PCYT2: variants seen among roughly 807,000 people sequenced by gnomAD.
PCYT2 encodes ethanolamine-phosphate cytidylyltransferase.
PCYT2 carries 33 observed loss-of-function variants against 50.0 expected under a neutral mutation model. The ratio of observed to expected loss-of-function variants is 0.66; its 90% CI spans 0.50 to 0.88. The LOEUF is 0.88. PCYT2 is among the 40% of genes least tolerant of loss of function. The pLI is 0.00. For missense variants in PCYT2, 430 were observed against 519.7 expected (o/e 0.83, Z 1.68); for synonymous variants, 240 against 203.7 (o/e 1.18, Z -1.52).
chr17:81,910,900 C>G, intron 1 of PCYT2: 2 of 987,826 alleles, frequency 2.0e-6, no homozygotes, highest in Non-Finnish European at 2.4e-6. Context: ...CCGATGCCCA[C>G]CTACAGGGAC....
At chr17:81,906,335 C>A in intron 8 of PCYT2, 129 bp downstream of exon 8, 1 of 1,126,320 alleles carries the variant, frequency 8.9e-7, no homozygotes, top group South Asian at 1.4e-5. Flanking sequence ...CCTACGATCA[C>A]CCCCCAGGGT....
rs1410687075 is a variant in PCYT2, at chr17:81,902,714, T to C, written c.*2119A>G. ...TACCAGTGCAAGGCGAACGTCTTCC[T>C]GTCCCTGCGCGCAGCCGACTGCCTC... On this transcript the variant is annotated 3_prime_UTR_variant, in exon 13 of 13. Coordinates refer to ENST00000538936, the MANE Select transcript of PCYT2 (RefSeq NM_002861.5). 1.2e-6 allele frequency: 2 copies of C among 1,608,672 alleles called. No homozygotes were observed. The highest frequency in any genetic ancestry group is 1.7e-5 in the Admixed American group (1 of 59,870).
chr17:81,907,084 C>A, intron 6 of PCYT2, 186 bp from the exon 7 acceptor site: 1 of 1,064,558 alleles, frequency 9.4e-7, no homozygotes, highest in South Asian at 1.6e-5. Flanking sequence ...CCACAGCAGG[C>A]ACCGCAGCAG....
At chr17:81,906,426 C>T in intron 8 of PCYT2, 38 bp downstream of exon 8, 2 of 1,587,254 alleles carry the variant, frequency 1.3e-6, no homozygotes, top group Non-Finnish European at 1.7e-6. Context: ...GAGGGCCCAT[C>T]AGCTGCCCAG....
intron 6 of PCYT2, chr17:81,907,170 G>T: frequency 2.0e-6 from 3 of 1,495,790 alleles, no homozygotes; most frequent in Non-Finnish European, 2.7e-6. Context: ...GCCCTTGGGA[G>T]GGACCTGGTA....
chr17:81,905,483 G>A (rs549607721), intron 10 of PCYT2, 36 bp from the exon 11 acceptor site: 2 of 1,552,352 alleles, frequency 1.3e-6, no homozygotes, highest in East Asian at 4.8e-5. Flanking sequence ...CCTCCCCGGG[G>A]AGGCAGCGGC....
At chr17:81,907,208 G>C in intron 6 of PCYT2, 1 of 1,533,194 alleles carries the variant, frequency 6.5e-7, no homozygotes, top group African/African-American at 1.4e-5. Flanking sequence ...GGTCACCTGG[G>C]AGCAGCCTTC....
chr17:81,908,853 C>T, intron 3 of PCYT2, 23 bp downstream of exon 3: 1 of 1,605,714 alleles, frequency 6.2e-7, no homozygotes, highest in Non-Finnish European at 8.5e-7. Flanking sequence ...CCCAGGCCCC[C>T]AGGTCCCAGC....
At chr17:81,906,410 C>A (rs2040268485) in intron 8 of PCYT2, 54 bp downstream of exon 8, 1 of 1,537,116 alleles carries the variant, frequency 6.5e-7, no homozygotes, top group Admixed American at 1.7e-5. Flanking sequence ...ACGCTTAGGG[C>A]CCCTCGAGGG....
At chr17:81,907,256 G>A in intron 6 of PCYT2, 3 of 1,533,116 alleles carry the variant, frequency 2.0e-6, no homozygotes, top group African/African-American at 1.4e-5. Context: ...CGGGTGAGGG[G>A]GCTACAATGG....
In PCYT2 at chr17:81,908,921, G is replaced by C; in HGVS notation, c.295C>G (p.Leu99Val). Residue 99 changes from leucine (L) to valine (V), a missense_variant, in exon 3 of 13, where the codon CTA (leucine) becomes GTA (valine). Leu to Val is a conservative substitution (Grantham distance 32). This residue lies in a region of PCYT2 where 117 missense variants were observed against 163.9 expected (regional missense o/e 0.71). Transcript: ENST00000538936. ...CAGTTGTATTTGTCCAGGGTCTCTA[G>C]TGTAGTGACGTAGGGAGCCGCTGGC... ...VVPAAPYVTT[L>V]ETLDKYNCDF... 1 of 1,614,032 alleles carries C rather than the reference G, an allele frequency of 6.2e-7. No individual in the cohort carries two copies. Among genetic ancestry groups the C allele is most frequent in the East Asian group, 2.2e-5 (1 of 44,886 alleles).
At chr17:81,906,707 G>A (rs879186385) in intron 7 of PCYT2, 53 bp downstream of exon 7, 9 of 1,603,416 alleles carry the variant, frequency 5.6e-6, no homozygotes, top group East Asian at 2.2e-5. Context: ...TGAGGCCCCC[G>A]GGTCCCACCC....
In PCYT2 at chr17:81,902,480, C is replaced by T. The variant is rs1399324082; in HGVS notation, c.*2353G>A. The T allele has an allele frequency of 3.6e-6, 5 of 1,395,648 alleles. No homozygotes were observed. Among genetic ancestry groups the T allele is most frequent in the Non-Finnish European group, 4.6e-6 (5 of 1,083,580 alleles). The allele number at this position is 1,395,648 out of a possible 1,614,324, so 86.5% of individuals were successfully genotyped here. On this transcript the variant is annotated 3_prime_UTR_variant, in exon 13 of 13. Coordinates refer to ENST00000538936, the MANE Select transcript of PCYT2 (RefSeq NM_002861.5). ...AGAGGGGCGGAACCCCCGGGCGGGGCCGGCGCCTCCCCGGAGCTGCAACTG... is the reference window on the plus strand; with the variant it reads ...AGAGGGGCGGAACCCCCGGGCGGGGTCGGCGCCTCCCCGGAGCTGCAACTG...
intron 11 of PCYT2, 71 bp from the exon 12 acceptor site, chr17:81,905,225 C>A (rs2040189429): frequency 7.1e-7 from 1 of 1,409,424 alleles, no homozygotes. Context: ...TGATGCCCTG[C>A]CCCAGAGGGA....
rs762155415 is a variant in PCYT2, at chr17:81,907,574, A to G, written c.517T>C (p.Tyr173His). ...CTCACCTTGCCAAAACTGTCTGCAT[A>G]CTCCCGGTACTCAGAGGACATCTCC... ...SQEMSSEYRE[Y>H]ADSFGKCPGG... is the part of the protein sequence containing the mutation. The change falls in exon 6 of 13, where the codon TAT becomes CAT. Residue 173 changes from tyrosine to histidine, a missense_variant. Transcript: ENST00000538936. 6.2e-7 allele frequency: 1 copy of G among 1,611,486 alleles called. No individual in the cohort carries two copies. Among genetic ancestry groups the G allele is most frequent in the South Asian group, 1.1e-5 (1 of 90,678 alleles).
At position 81,902,530 on chromosome 17, in the gene PCYT2, A is replaced by G. The variant is rs889903945; in HGVS notation, c.*2303T>C. 2.3e-5 allele frequency: 33 copies of G among 1,459,650 alleles called. No homozygotes were observed. The highest frequency in any genetic ancestry group is 2.9e-5 in the Non-Finnish European group (32 of 1,113,028). The allele number at this position is 1,459,650 out of a possible 1,614,324, so 90.4% of individuals were successfully genotyped here. A position where few individuals can be genotyped will look rare whatever the true frequency, so the allele number is the denominator to read the frequency against. On this transcript the variant is annotated 3_prime_UTR_variant, in exon 13 of 13. Transcript: ENST00000538936. ...GCACCCCAGGCTGCGGAGCCTCGTG[A>G]GTCCGGCGTGCCGGGGACTGATGGG...
In PCYT2 at chr17:81,904,688, C is replaced by G. The variant is rs2040141417; in HGVS notation, c.*145G>C. 1.6e-6 allele frequency: 1 copy of G among 611,100 alleles called. No individual in the cohort carries two copies. The highest frequency in any genetic ancestry group is 2.9e-6 in the Non-Finnish European group (1 of 348,318). The allele number at this position is 611,100 out of a possible 1,614,324, so 37.9% of individuals were successfully genotyped here. A position where few individuals can be genotyped will look rare whatever the true frequency, so the allele number is the denominator to read the frequency against. ...GGAGAGCCTGCTGCAAACCAGGCAC[C>G]TTGTAGGCAGGCAAGGAGGCAGAGT... On this transcript the variant is annotated 3_prime_UTR_variant, in exon 13 of 13. Coordinates refer to ENST00000538936, the MANE Select transcript of PCYT2 (RefSeq NM_002861.5).
chr17:81,902,152 C>A lies in PCYT2; in HGVS notation c.*2681G>T. 1.1e-6 allele frequency: 1 copy of A among 937,894 alleles called. No individual in the cohort carries two copies. Among genetic ancestry groups the A allele is most frequent in the Non-Finnish European group, 1.4e-6 (1 of 735,512 alleles). 58.1% of individuals were successfully genotyped at this position (937,894 alleles called of 1,614,324 possible). On this transcript the variant is annotated 3_prime_UTR_variant, in exon 13 of 13. Coordinates refer to ENST00000538936, the MANE Select transcript of PCYT2 (RefSeq NM_002861.5). ...TCCTCCGCGCGCGCCCGCTGCACCC[C>A]AGCCCGCCCGCCGCCCCTCCCGGCC...
At chr17:81,905,316 A>G (rs2040193432) in intron 11 of PCYT2, 66 bp downstream of exon 11, 1 of 1,428,828 alleles carries the variant, frequency 7.0e-7, no homozygotes, top group Non-Finnish European at 9.6e-7. Context: ...AGGCACAGTG[A>G]GTCATTAAAT....
Sources: gnomAD v4.1 joint callset for allele counts on GRCh38, gnomAD v4.1.1 for gene constraint, gnomAD v4.1.1 regional missense constraint, MANE v1.5 for transcripts, NCBI Gene and HGNC (gene_info 2026-07-23, HGNC 2026-07-21) for gene names.